PLEKHA7: variants seen among roughly 807,000 people sequenced by gnomAD.
PLEKHA7 encodes the protein pleckstrin homology domain containing A7.
PLEKHA7 carries 104 observed loss-of-function variants against 170.0 expected under a neutral mutation model. The ratio of observed to expected loss-of-function variants is 0.61; its 90% CI spans 0.52 to 0.72. The LOEUF (loss-of-function observed/expected upper bound fraction) is 0.72, where lower values mean the gene tolerates loss of function less well. Among genes scored for constraint, PLEKHA7 ranks in the 30% least tolerant of loss-of-function variants. PLEKHA7 has a pLI of 0.00. For missense variants in PLEKHA7, 1,615 were observed against 1,671.7 expected (o/e 0.97, Z 0.59); for synonymous variants, 648 against 660.8 (o/e 0.98, Z 0.30).
chr11:17,006,910 TC>T (rs1865032234), intron 3 of PLEKHA7, among the ~76,000 whole-genome samples: 1 of 152,224 alleles, frequency 6.6e-6, no homozygotes, highest in South Asian at 2.1e-4. Context: ...GGTTCATCCT[TC>T]ACTCTCCAAC....
At chr11:16,826,863 T>C (rs915855533) in intron 9 of PLEKHA7, among the ~76,000 whole-genome samples, 1 of 152,190 alleles carries the variant, frequency 6.6e-6, no homozygotes, top group South Asian at 2.1e-4. Flanking sequence ...CACTGAACCA[T>C]AACTTTGTTT....
chr11:16,812,737 C>T (rs1332229682), intron 13 of PLEKHA7, among the ~76,000 whole-genome samples: 2 of 152,188 alleles, frequency 1.3e-5, no homozygotes, highest in Non-Finnish European at 2.9e-5. Context: ...AAAGAACCCA[C>T]CACACCACTT....
At position 16,789,256 on chromosome 11, in the gene PLEKHA7, T is replaced by C; in HGVS notation, c.3197A>G (p.His1066Arg). 6.2e-7 allele frequency: 1 copy of C among 1,613,754 alleles called. No homozygotes were observed. The highest frequency in any genetic ancestry group is 1.1e-5 in the South Asian group (1 of 91,084). Residue 1066 changes from histidine to arginine, a missense_variant, in exon 23 of 27, where the codon CAC becomes CGC. Transcript: ENST00000531066. The surrounding 1 kb of genome is among the most constrained non-coding windows in gnomAD (Gnocchi z 4.6). ...CTCTGCACTCATCTTGCCTCGCTGGTGATCCCCTGAGTACAGGCGCTCCAA... is the reference window on the plus strand; with the variant it reads ...CTCTGCACTCATCTTGCCTCGCTGGCGATCCCCTGAGTACAGGCGCTCCAA... Reference protein sequence around the residue: ...SALERLYSGDHQRGKMSAEEQ... With the variant: ...SALERLYSGDRQRGKMSAEEQ...
intron 4 of PLEKHA7, among the ~76,000 whole-genome samples, chr11:16,866,923 G>T (rs1044543946): frequency 1.3e-5 from 2 of 152,180 alleles, no homozygotes; most frequent in Non-Finnish European, 2.9e-5. Flanking sequence ...CAACAGTGGG[G>T]AGATCTATCT....
At chr11:16,811,785 T>C (rs1326568031) in intron 13 of PLEKHA7, among the ~76,000 whole-genome samples, 1 of 152,180 alleles carries the variant, frequency 6.6e-6, no homozygotes, top group African/African-American at 2.4e-5. Flanking sequence ...AAGCCTAGGA[T>C]AGAGTCAACA....
At position 16,816,171 on chromosome 11, in the gene PLEKHA7, A is replaced by G; in HGVS notation, c.1953+7T>C. The stretch of plus-strand genomic sequence containing the variant: ...CTTTGCAGGCTATGTCTTGTCATTC[A>G]CCCTACCGATTTTCCATGTAAACTG... On this transcript the variant is annotated splice_region_variant and intron_variant, in intron 12 of 26. Transcript: ENST00000531066. The G allele has an allele frequency of 6.2e-7, 1 of 1,605,502 alleles. No homozygotes were observed. The highest frequency in any genetic ancestry group is 8.5e-7 in the Non-Finnish European group (1 of 1,172,324).
chr11:16,899,080 A>G (rs1318997379), intron 3 of PLEKHA7, among the ~76,000 whole-genome samples: 1 of 152,252 alleles, frequency 6.6e-6, no homozygotes, highest in Admixed American at 6.5e-5. Context: ...ACGGATCTTA[A>G]AATCTAAATG....
chr11:16,824,899 C>A (rs1850516554), intron 10 of PLEKHA7, among the ~76,000 whole-genome samples: 1 of 152,212 alleles, frequency 6.6e-6, no homozygotes, highest in South Asian at 2.1e-4. Context: ...CTTAGGCCGG[C>A]ACCAAGAAGA....
intron 3 of PLEKHA7, among the ~76,000 whole-genome samples, chr11:16,953,217 T>C (rs900305990): frequency 1.3e-5 from 2 of 152,384 alleles, no homozygotes. Context: ...GTGAGGATAC[T>C]ATTAGTTCCT....
chr11:16,822,501 GGAAAAAAAA>G (rs369737945), intron 10 of PLEKHA7, among the ~76,000 whole-genome samples: 13,691 of 126,272 alleles, frequency 0.11, 891 homozygotes, highest in East Asian at 0.28. Context: ...TTTTGGTAGG[GGAAAAAAAA>G]AAAAAAAAAA....
intron 10 of PLEKHA7, 117 bp downstream of exon 10, chr11:16,826,003 G>T: frequency 2.0e-6 from 2 of 1,017,836 alleles, no homozygotes; most frequent in Non-Finnish European, 2.9e-6. Flanking sequence ...ATTTACGTAG[G>T]TAATGGCAGT....
chr11:16,790,044 A>C, intron 21 of PLEKHA7, 166 bp from the exon 22 acceptor site: 1 of 660,964 alleles, frequency 1.5e-6, no homozygotes, highest in Non-Finnish European at 2.6e-6. Context: ...TCCCCAATAG[A>C]GGATGGGGGC....
intron 3 of PLEKHA7, among the ~76,000 whole-genome samples, chr11:16,899,771 C>T (rs1250232356): frequency 6.6e-6 from 1 of 152,148 alleles, no homozygotes; most frequent in Non-Finnish European, 1.5e-5. Flanking sequence ...AGCATTATTT[C>T]CATTATAGGG....
rs989350672 is a variant in PLEKHA7 at position 16,906,456 on chromosome 11, GATTGCAGGC to G, written c.222-35283_222-35275del. Among the ~76,000 whole-genome samples the G allele has an allele frequency of 4.3e-5, 6 of 139,452 alleles. 1 individual carries two copies. The highest frequency in any genetic ancestry group is 2.8e-4 in the Admixed American group (4 of 14,116). 91.5% of individuals were successfully genotyped at this position (139,452 alleles called of 152,430 possible). On this transcript the variant is annotated intron_variant, in intron 3 of 26. Coordinates refer to ENST00000531066, the MANE Select transcript of PLEKHA7 (RefSeq NM_001329630.2). ...CTGCCTCAGCCTGCCGAGTGCCTGC[GATTGCAGGC>G]ACGCGCCGCCATGCCTGACTGGTTT...
intron 3 of PLEKHA7, among the ~76,000 whole-genome samples, chr11:16,999,231 C>T (rs1012318242): frequency 1.9e-4 from 29 of 152,014 alleles, no homozygotes; most frequent in African/African-American, 7.0e-4. Flanking sequence ...CACATGTATT[C>T]TCCCACACAG....
intron 3 of PLEKHA7, among the ~76,000 whole-genome samples, chr11:16,991,041 G>A (rs1864013645): frequency 1.3e-5 from 2 of 152,218 alleles, no homozygotes; most frequent in African/African-American, 2.4e-5. Context: ...CAGAAGGGGT[G>A]ACTGGAAGCT....
At chr11:16,842,726 T>C (rs1852072043) in intron 8 of PLEKHA7, 1 of 152,182 alleles carries the variant, frequency 6.6e-6, no homozygotes, top group South Asian at 2.1e-4. Context: ...GACCCATCTT[T>C]TAAATTTGCA....
chr11:16,804,888 G>GC (rs1343677050), intron 13 of PLEKHA7, among the ~76,000 whole-genome samples: 1 of 150,322 alleles, frequency 6.7e-6, no homozygotes, highest in Non-Finnish European at 1.5e-5. Context: ...CTCCTGCAAT[G>GC]CGGGGGGGGC....
At chr11:16,901,301 C>T (rs177543) in intron 3 of PLEKHA7, among the ~76,000 whole-genome samples, 70,106 of 152,048 alleles carry the variant, frequency 0.46, 16,673 homozygotes, top group Non-Finnish European at 0.53. Context: ...CAGCTCTAGG[C>T]TCACCAGCCA....
Sources: allele counts gnomAD v4.1 joint callset (sites outside exome capture counted in the v4.1 genomes callset), GRCh38; gene constraint gnomAD v4.1.1; non-coding constraint Gnocchi (gnomAD v3.1); transcripts MANE v1.5; gene names NCBI Gene and HGNC (gene_info 2026-07-23, HGNC 2026-07-21).